WDR64: variants seen among roughly 807,000 people sequenced by gnomAD.
WDR64 encodes WD repeat domain 64.
In WDR64, 112 loss-of-function variants were observed where a neutral mutation model predicts 139.3. The ratio of observed to expected loss-of-function variants is 0.80; its 90% confidence interval spans 0.69 to 0.94. WDR64 has a LOEUF of 0.94. Among genes scored for constraint, WDR64 ranks in the 40% least tolerant of loss-of-function variants. The pLI, the probability that WDR64 is intolerant of heterozygous loss-of-function variation, is 0.00. For synonymous variants in WDR64, 444 were observed against 437.7 expected, an observed-to-expected ratio of 1.01 and a Z score of -0.18; for missense variants, 1,206 against 1,293.1, an observed-to-expected ratio of 0.93 and a Z score of 1.03.
chr1:241,786,658 T>G (rs114237131), intron 23 of WDR64, among the ~76,000 whole-genome samples: 61 of 152,322 alleles, frequency 4.0e-4, no homozygotes, highest in African/African-American at 1.3e-3. Flanking sequence ...AAAAGCAGCA[T>G]GAGATCCCTC....
Position 241,796,360 on chromosome 1 carries a change from A to AACTTC in WDR64, c.3184_3185insTTCAC (p.Arg1062LeufsTer12). 1.2e-6 allele frequency: 2 copies of AACTTC among 1,611,602 alleles called. No homozygotes were observed. ...GGAAAGAAGAAGGGAGGTCATGTTC[A>AACTTC]ACGTGAAAAAGTAAGTTAGTACTAA... is the stretch of plus-strand genomic sequence containing the variant. On this transcript the variant is annotated frameshift_variant, in exon 27 of 28. Transcript: ENST00000437684. LOFTEE classifies it high-confidence loss of function.
At position 241,660,625 on chromosome 1, in the gene WDR64, T is replaced by C. The variant is rs1665792645; in HGVS notation, c.241T>C (p.Cys81Arg). ...QDVKRFYRKLCNNTDASADWC... is the reference protein window; with the variant it reads ...QDVKRFYRKLRNNTDASADWC... The stretch of plus-strand genomic sequence containing the variant: ...TGTGAAACGCTTTTACAGGAAACTG[T>C]GCAACAACACGGATGCATCTGCAGA... Residue 81 changes from cysteine to arginine, a missense_variant, in exon 2 of 28, where the codon TGC becomes CGC. Cys to Arg is a radical substitution (Grantham distance 180). Coordinates refer to ENST00000437684, the MANE Select transcript of WDR64 (RefSeq NM_001367482.1). 1 of 1,551,500 alleles carries C rather than the reference T, an allele frequency of 6.4e-7. No individual in the cohort carries two copies. The highest frequency in any genetic ancestry group is 1.2e-5 in the South Asian group (1 of 84,058).
At chr1:241,655,093 T>C (rs1225681764) in intron 1 of WDR64, among the ~76,000 whole-genome samples, 2 of 152,112 alleles carry the variant, frequency 1.3e-5, no homozygotes, top group African/African-American at 4.8e-5. Context: ...ATTACTGTAA[T>C]AGTCTTCTTG....
At chr1:241,771,382 G>T (rs183227659) in intron 18 of WDR64, among the ~76,000 whole-genome samples, 25 of 152,232 alleles carry the variant, frequency 1.6e-4, no homozygotes, top group Admixed American at 1.0e-3. Context: ...TACAATTAGA[G>T]ATCATGTCAA....
intron 8 of WDR64, among the ~76,000 whole-genome samples, chr1:241,705,938 C>T (rs992916383): frequency 3.9e-5 from 6 of 152,264 alleles, no homozygotes; most frequent in South Asian, 2.1e-4. Context: ...CTGACTTTCC[C>T]GGCCCTGGGC....
intron 18 of WDR64, 65 bp downstream of exon 18, chr1:241,770,755 A>G: frequency 1.4e-6 from 2 of 1,436,746 alleles, no homozygotes; most frequent in South Asian, 2.6e-5. Flanking sequence ...AAATAGTGCT[A>G]TTGAGCACAT....
intron 8 of WDR64, among the ~76,000 whole-genome samples, chr1:241,704,001 C>T (rs1667840462): frequency 6.6e-6 from 1 of 152,168 alleles, no homozygotes; most frequent in Admixed American, 6.5e-5. Flanking sequence ...TTCCTCAATA[C>T]TTGGGGATTA....
At chr1:241,690,449 C>T (rs7531885) in intron 8 of WDR64, among the ~76,000 whole-genome samples, 1,997 of 151,194 alleles carry the variant, frequency 0.013, 49 homozygotes, top group African/African-American at 0.046. Flanking sequence ...CCACCCTGGG[C>T]GACAGAGGGA....
chr1:241,707,389 C>T (rs1164798146), intron 8 of WDR64, among the ~76,000 whole-genome samples: 1 of 152,178 alleles, frequency 6.6e-6, no homozygotes, highest in African/African-American at 2.4e-5. Flanking sequence ...CTCCTTAACT[C>T]CCTTATGAGC....
At chr1:241,765,225 A>G (rs1413012229) in intron 15 of WDR64, among the ~76,000 whole-genome samples, 4 of 152,142 alleles carry the variant, frequency 2.6e-5, no homozygotes, top group African/African-American at 9.6e-5. Context: ...ACATGCCTAA[A>G]GGAGGTGATA....
chr1:241,670,831 G>A (rs918188291), intron 2 of WDR64, among the ~76,000 whole-genome samples: 10 of 152,136 alleles, frequency 6.6e-5, no homozygotes, highest in African/African-American at 1.7e-4. Flanking sequence ...GTTTCATCCC[G>A]AAAGCATCCC....
intron 10 of WDR64, among the ~76,000 whole-genome samples, chr1:241,735,020 C>A (rs79599517): frequency 6.6e-6 from 1 of 151,926 alleles, no homozygotes; most frequent in Non-Finnish European, 1.5e-5. Context: ...GGGAGTGCAA[C>A]GAAAGTTGTT....
intron 9 of WDR64, among the ~76,000 whole-genome samples, chr1:241,720,093 G>A (rs1173935195): frequency 2.6e-5 from 4 of 152,150 alleles, no homozygotes; most frequent in Non-Finnish European, 5.9e-5. Context: ...TGAGGATAAC[G>A]GCTTCCAGCT....
chr1:241,669,917 C>G (rs987683108), intron 2 of WDR64, among the ~76,000 whole-genome samples: 3 of 152,134 alleles, frequency 2.0e-5, no homozygotes, highest in African/African-American at 7.2e-5. Flanking sequence ...TCCAGACCTA[C>G]TGAAGCCAAA....
At chr1:241,675,070 CCTGCCTCCCTCCCTTCAT>C (rs1666453584) in intron 4 of WDR64, among the ~76,000 whole-genome samples, 1 of 92,402 alleles carries the variant, frequency 1.1e-5, no homozygotes, top group Non-Finnish European at 2.2e-5. Context: ...CTTCCTCCTT[CCTGCCTCCCTCCCTTCAT>C]CCTTCCTCCC....
At chr1:241,718,494 AG>A (rs924048376) in intron 9 of WDR64, among the ~76,000 whole-genome samples, 3 of 152,174 alleles carry the variant, frequency 2.0e-5, no homozygotes, top group African/African-American at 7.2e-5. Context: ...AGGTATCAGA[AG>A]AGAAGGGGGA....
intron 8 of WDR64, among the ~76,000 whole-genome samples, chr1:241,705,425 C>T (rs1408029870): frequency 6.6e-6 from 1 of 151,514 alleles, no homozygotes; most frequent in Admixed American, 6.6e-5. Flanking sequence ...GCCTGTAGTC[C>T]CAGCTACTCG....
chr1:241,713,332 GAA>G (rs1574033622), intron 9 of WDR64, among the ~76,000 whole-genome samples: 4 of 103,304 alleles, frequency 3.9e-5, no homozygotes, highest in South Asian at 7.8e-4. Context: ...ACGAAGGAAG[GAA>G]GGAAGGGAGG....
intron 10 of WDR64, among the ~76,000 whole-genome samples, chr1:241,734,508 CTATT>C (rs1317020162): frequency 6.6e-6 from 1 of 151,976 alleles, no homozygotes; most frequent in African/African-American, 2.4e-5. Context: ...TGAGGCTGTC[CTATT>C]TATTAATTGA....
Sources: gnomAD v4.1 joint callset for allele counts (sites outside exome capture counted in the v4.1 genomes callset) on GRCh38, gnomAD v4.1.1 for gene constraint, MANE v1.5 for transcripts, NCBI Gene and HGNC (gene_info 2026-07-23, HGNC 2026-07-21) for gene names.